The following ERC2 variants were observed in gnomAD, a reference collection of about 807,000 sequenced individuals.
The protein encoded by ERC2 is ELKS/RAB6-interacting/CAST family member 2, also known as ERC protein 2.
ERC2 carries 42 observed loss-of-function variants against 114.8 expected under a neutral mutation model. The observed-to-expected ratio is 0.37, with a 90% confidence interval of 0.29 to 0.47. The LOEUF (loss-of-function observed/expected upper bound fraction) is 0.47. Among genes scored for constraint, ERC2 ranks in the 20% least tolerant of loss-of-function variants. The pLI, the probability that ERC2 is intolerant of heterozygous loss-of-function variation, is 0.99. For synonymous variants in ERC2, 454 were observed against 425.5 expected (o/e 1.07, Z -0.82); for missense variants, 939 against 1,150.7 (o/e 0.82, Z 2.66).
chr3:55,642,320 T>G (rs968416203), intron 17 of ERC2, among the ~76,000 whole-genome samples: 6 of 132,264 alleles, frequency 4.5e-5, no homozygotes, highest in Non-Finnish European at 9.1e-5. Context: ...GATCACAGCT[T>G]TTTTTTTTTT....
chr3:55,527,155 A>G (rs985542107), intron 17 of ERC2, among the ~76,000 whole-genome samples: 1 of 152,236 alleles, frequency 6.6e-6, no homozygotes, highest in Admixed American at 6.5e-5. Context: ...ACTGAATTTG[A>G]GTCCAATCGT....
intron 17 of ERC2, among the ~76,000 whole-genome samples, chr3:55,566,072 T>C (rs2056353179): frequency 6.6e-6 from 1 of 152,212 alleles, no homozygotes; most frequent in African/African-American, 2.4e-5. Flanking sequence ...ATGGAGTAGC[T>C]TGACTTTCAC....
At chr3:55,962,116 A>G (rs2149469365) in intron 12 of ERC2, among the ~76,000 whole-genome samples, 1 of 152,334 alleles carries the variant, frequency 6.6e-6, no homozygotes, top group South Asian at 2.1e-4. Context: ...TAAACTGGAA[A>G]TCTAAGAGGC....
chr3:56,021,728 T>TCAATGGA (rs2073726680), intron 7 of ERC2, among the ~76,000 whole-genome samples: 1 of 152,128 alleles, frequency 6.6e-6, no homozygotes. Flanking sequence ...CCTCCCACCT[T>TCAATGGA]CCCCACTCAA....
intron 17 of ERC2, among the ~76,000 whole-genome samples, chr3:55,547,592 A>T (rs983026434): frequency 1.3e-5 from 2 of 152,156 alleles, no homozygotes; most frequent in Non-Finnish European, 2.9e-5. Context: ...TCCGTGGGGT[A>T]GCACACAAAA....
intron 14 of ERC2, among the ~76,000 whole-genome samples, chr3:55,835,128 A>C (rs1322362483): frequency 6.6e-6 from 1 of 152,138 alleles, no homozygotes; most frequent in Non-Finnish European, 1.5e-5. Context: ...AACAAAAAAA[A>C]GAGTCCAGGA....
At chr3:55,913,237 C>G (rs932402195) in intron 13 of ERC2, among the ~76,000 whole-genome samples, 2 of 152,154 alleles carry the variant, frequency 1.3e-5, no homozygotes, top group Non-Finnish European at 2.9e-5. Flanking sequence ...GATGTTTTCT[C>G]TATCGATAAA....
intron 2 of ERC2, among the ~76,000 whole-genome samples, chr3:56,394,394 T>C (rs2060231521): frequency 6.6e-6 from 1 of 152,200 alleles, no homozygotes; most frequent in Non-Finnish European, 1.5e-5. Flanking sequence ...AACTACAGGA[T>C]GATGAAATCA....
chr3:55,541,616 TTCA>T (rs1345284749), intron 17 of ERC2, among the ~76,000 whole-genome samples: 2 of 152,226 alleles, frequency 1.3e-5, no homozygotes, highest in Non-Finnish European at 2.9e-5. Flanking sequence ...GGTTTAACAA[TTCA>T]TCAAGAGCAG....
chr3:55,711,376 C>T (rs1356155624), intron 15 of ERC2, among the ~76,000 whole-genome samples: 3 of 152,174 alleles, frequency 2.0e-5, no homozygotes, highest in East Asian at 3.8e-4. Flanking sequence ...TTTATTCCCG[C>T]TGTTAAGGTT....
intron 14 of ERC2, among the ~76,000 whole-genome samples, chr3:55,817,215 G>GGC (rs1343872140): frequency 6.6e-6 from 1 of 152,174 alleles, no homozygotes; most frequent in Non-Finnish European, 1.5e-5. Context: ...CTCTTGATCA[G>GGC]GTCACTTTCC....
intron 17 of ERC2, among the ~76,000 whole-genome samples, chr3:55,581,681 G>A (rs956490730): frequency 2.0e-5 from 3 of 152,126 alleles, no homozygotes; most frequent in Non-Finnish European, 4.4e-5. Context: ...GATATGCAAC[G>A]TTTCAAATGT....
intron 3 of ERC2, among the ~76,000 whole-genome samples, chr3:56,233,808 A>C (rs2050777578): frequency 6.6e-6 from 1 of 152,036 alleles, no homozygotes; most frequent in Non-Finnish European, 1.5e-5. Context: ...ATGGGCATCG[A>C]CCATCTTCAA....
chr3:56,346,893 C>G (rs1239110400), intron 2 of ERC2, among the ~76,000 whole-genome samples: 1 of 152,158 alleles, frequency 6.6e-6, no homozygotes, highest in Non-Finnish European at 1.5e-5. Context: ...AGATGGAGTT[C>G]ACAGCCACAA....
chr3:56,007,193 T>G lies in ERC2; in HGVS notation c.2049A>C (p.Ala683=), dbSNP rs771731486. 3.6e-5 allele frequency: 57 copies of G among 1,566,166 alleles called. 1 individual carries two copies. The South Asian group carries it at 4.3e-4, about 12-fold the overall frequency. Residue 683 remains alanine, a synonymous_variant, in exon 10 of 18, where the codon GCA becomes GCC. Transcript: ENST00000288221. ...QKKEECSKLE[A]QLKKAHNIED... Reference sequence around the variant, plus strand: ...AGACTTCACTTACCTTTTTTAACTGTGCTTCCAATTTGCTACATTCCTCTT... The same window carrying G: ...AGACTTCACTTACCTTTTTTAACTGGGCTTCCAATTTGCTACATTCCTCTT...
intron 2 of ERC2, among the ~76,000 whole-genome samples, chr3:56,387,661 G>A (rs1576709074): frequency 1.3e-5 from 2 of 152,178 alleles, no homozygotes; most frequent in South Asian, 2.1e-4. Context: ...AACCTCTCTA[G>A]TTGAGCTCTT....
intron 3 of ERC2, among the ~76,000 whole-genome samples, chr3:56,206,202 TAC>T (rs56400890): frequency 0.14 from 20,049 of 141,836 alleles, 1,695 homozygotes; most frequent in African/African-American, 0.23. Flanking sequence ...CACACACACA[TAC>T]ACACACACAC....
chr3:56,379,989 G>T (rs1024384031), intron 2 of ERC2, among the ~76,000 whole-genome samples: 1 of 152,092 alleles, frequency 6.6e-6, no homozygotes, highest in Non-Finnish European at 1.5e-5. Flanking sequence ...AGTAATGATT[G>T]TAGGAGCTGT....
At chr3:55,958,212 G>A (rs1054987799) in intron 12 of ERC2, among the ~76,000 whole-genome samples, 7 of 152,132 alleles carry the variant, frequency 4.6e-5, no homozygotes, top group Non-Finnish European at 1.0e-4. Context: ...CTGGCTACTC[G>A]TGGCAGGTAG....
Sources: gnomAD v4.1 joint callset for allele counts (sites outside exome capture counted in the v4.1 genomes callset) on GRCh38, gnomAD v4.1.1 for gene constraint, MANE v1.5 for transcripts, NCBI Gene and HGNC (gene_info 2026-07-23, HGNC 2026-07-21) for gene names.